Variants in KCNG3 observed in about 807,000 individuals in gnomAD.
KCNG3 encodes voltage-gated potassium channel regulatory subunit KCNG3.
Under a neutral mutation model 29.0 loss-of-function variants are expected in KCNG3, and 15 were observed. The observed-to-expected ratio is 0.52, with a 90% CI of 0.35 to 0.80. KCNG3 has a LOEUF of 0.80. Among genes scored for constraint, KCNG3 ranks in the 30% least tolerant of loss-of-function variants. The pLI is 0.01. For missense variants in KCNG3, 512 were observed against 605.7 expected (o/e 0.85, Z 1.62); for synonymous variants, 322 against 248.9 (o/e 1.29, Z -2.76).
At chr2:42,398,265 A>AAATAAATAAAAT in the KCNG3 span, among the ~76,000 whole-genome samples, 1 of 138,534 alleles carries the variant, frequency 7.2e-6, no homozygotes, top group Non-Finnish European at 1.6e-5. Flanking sequence ...ATAAATAAAT[A>AAATAAATAAAAT]AAATAAAATA....
chr2:42,461,766 T>C (rs774741737), intron 1 of KCNG3, among the ~76,000 whole-genome samples: 2 of 152,240 alleles, frequency 1.3e-5, no homozygotes, highest in African/African-American at 2.4e-5. Context: ...ATGGGTTCTA[T>C]TCCCTTTTTA....
chr2:42,417,616 G>C, the KCNG3 span, among the ~76,000 whole-genome samples: 4 of 152,106 alleles, frequency 2.6e-5, no homozygotes, highest in African/African-American at 9.7e-5. Context: ...GCCACCATTT[G>C]TGTTTACAGA....
intron 1 of KCNG3, among the ~76,000 whole-genome samples, chr2:42,455,855 C>T (rs975331008): frequency 6.6e-6 from 1 of 151,014 alleles, no homozygotes; most frequent in Admixed American, 6.6e-5. Flanking sequence ...CTTGAAAAAG[C>T]TAAATGAATT....
chr2:42,488,793 G>A (rs1046569942), intron 1 of KCNG3, among the ~76,000 whole-genome samples: 10 of 151,892 alleles, frequency 6.6e-5, no homozygotes, highest in South Asian at 6.2e-4. Flanking sequence ...CAGGTGATCC[G>A]CCTGCCTCGG....
the KCNG3 span, among the ~76,000 whole-genome samples, chr2:42,395,236 C>A: frequency 7.9e-5 from 12 of 152,210 alleles, no homozygotes; most frequent in South Asian, 2.5e-3. Context: ...CTGGAAAGCA[C>A]ATGGAGAAGT....
At chr2:42,476,705 G>C (rs1673435679) in intron 1 of KCNG3, among the ~76,000 whole-genome samples, 2 of 148,004 alleles carry the variant, frequency 1.4e-5, no homozygotes, top group South Asian at 2.2e-4. Context: ...GGCCAGGCTG[G>C]TCTCGAACTC....
the KCNG3 span, among the ~76,000 whole-genome samples, chr2:42,399,964 G>A: frequency 6.6e-6 from 1 of 152,112 alleles, no homozygotes; most frequent in East Asian, 1.9e-4. Context: ...GACAACATGT[G>A]AGCAGGCTGG....
chr2:42,491,030 T>A (rs770645118), intron 1 of KCNG3, among the ~76,000 whole-genome samples: 1 of 152,208 alleles, frequency 6.6e-6, no homozygotes, highest in Non-Finnish European at 1.5e-5. Context: ...GCCATTAAGC[T>A]AAGAAAAACA....
rs1056399791 is a variant in KCNG3 at position 42,493,766 on chromosome 2, G to C, written c.-265C>G. The C allele has an allele frequency of 3.2e-6, 1 of 308,878 alleles. No individual in the cohort carries two copies. The highest frequency in any genetic ancestry group is 8.7e-4 in the Middle Eastern group (1 of 1,146). The allele number at this position is 308,878 out of a possible 1,614,324, so 19.1% of individuals were successfully genotyped here. ...CCGGCGCCAGCGCTGAGCCCCACCG[G>C]CTGGGAACGCGGCTGTGTCCGCGCC... On this transcript the variant is annotated 5_prime_UTR_variant, in exon 1 of 2. Coordinates refer to ENST00000306078, the MANE Select transcript of KCNG3 (RefSeq NM_133329.6).
intron 1 of KCNG3, chr2:42,464,012 C>A (rs946995189): frequency 4.0e-6 from 1 of 247,996 alleles, no homozygotes; most frequent in South Asian, 4.2e-5. Context: ...TGCTTAGAGG[C>A]GGTGGCAGTG....
chr2:42,423,008 C>G, the KCNG3 span, among the ~76,000 whole-genome samples: 1 of 152,170 alleles, frequency 6.6e-6, no homozygotes, highest in East Asian at 1.9e-4. Context: ...TTTTTCCAAA[C>G]TAGCTTCCAC....
chr2:42,409,699 CAAAAAAAA>C, the KCNG3 span, among the ~76,000 whole-genome samples: 1,159 of 51,918 alleles, frequency 0.022, 17 homozygotes, highest in African/African-American at 0.057. Context: ...GTGCCTGTCT[CAAAAAAAA>C]AAAAAAAAAA....
intron 1 of KCNG3, among the ~76,000 whole-genome samples, chr2:42,452,890 T>C (rs1672797534): frequency 6.6e-6 from 1 of 152,220 alleles, no homozygotes; most frequent in Non-Finnish European, 1.5e-5. Context: ...CAAGAGATTC[T>C]CCTGCCTCAG....
chr2:42,406,518 C>A, the KCNG3 span, among the ~76,000 whole-genome samples: 1 of 150,956 alleles, frequency 6.6e-6, no homozygotes, highest in East Asian at 2.0e-4. Flanking sequence ...CCGCACCAGG[C>A]CTAATGCATT....
At chr2:42,469,900 G>C (rs1044390916) in intron 1 of KCNG3, 3 of 283,386 alleles carry the variant, frequency 1.1e-5, no homozygotes, top group African/African-American at 4.5e-5. Context: ...GGCTGAAGTT[G>C]ACATCTGATG....
chr2:42,426,804 G>A, the KCNG3 span, among the ~76,000 whole-genome samples: 1 of 152,164 alleles, frequency 6.6e-6, no homozygotes, highest in African/African-American at 2.4e-5. Context: ...TAACTGAAAA[G>A]GCAATTTGAC....
the KCNG3 span, among the ~76,000 whole-genome samples, chr2:42,436,321 T>TATA: frequency 6.6e-6 from 1 of 152,242 alleles, no homozygotes; most frequent in Non-Finnish European, 1.5e-5. Flanking sequence ...TATACAGCTC[T>TATA]ATAAATATAT....
chr2:42,451,077 C>A (rs760529883), intron 1 of KCNG3, among the ~76,000 whole-genome samples: 1 of 151,224 alleles, frequency 6.6e-6, no homozygotes, highest in Non-Finnish European at 1.5e-5. Flanking sequence ...TGGTGGCAGG[C>A]GCCTGTAATC....
At chr2:42,445,242 C>G (rs1386009560) in intron 1 of KCNG3, among the ~76,000 whole-genome samples, 1 of 152,092 alleles carries the variant, frequency 6.6e-6, no homozygotes, top group Non-Finnish European at 1.5e-5. Flanking sequence ...ATTTAACTTA[C>G]TCTTGCAGGA....
Sources: gnomAD v4.1 joint callset for allele counts (sites outside exome capture counted in the v4.1 genomes callset) on GRCh38, gnomAD v4.1.1 for gene constraint, MANE v1.5 for transcripts, NCBI Gene and HGNC (gene_info 2026-07-23, HGNC 2026-07-21) for gene names.